Variants in TRHDE observed in about 807,000 individuals in gnomAD.
TRHDE encodes thyrotropin releasing hormone degrading enzyme, also known as thyrotropin-releasing hormone-degrading ectoenzyme.
In TRHDE, 72 loss-of-function variants were observed where a neutral mutation model predicts 125.7. That is an observed-to-expected ratio of 0.57 (90% CI 0.47 to 0.70). TRHDE has a LOEUF of 0.70. TRHDE is among the 30% of genes least tolerant of loss of function. The pLI, the probability that TRHDE is intolerant of heterozygous loss-of-function variation, is 0.00. For missense variants in TRHDE, 1,110 were observed against 1,327.1 expected, an observed-to-expected ratio of 0.84 and a Z score of 2.54; for synonymous variants, 509 against 509.1, an observed-to-expected ratio of 1.00 and a Z score of 0.00.
At chr12:72,527,643 G>C (rs1199282883) in intron 6 of TRHDE, among the ~76,000 whole-genome samples, 1 of 150,662 alleles carries the variant, frequency 6.6e-6, no homozygotes, top group African/African-American at 2.4e-5. Context: ...ACGAAGAAGA[G>C]ACAGATTCAA....
intron 2 of TRHDE, among the ~76,000 whole-genome samples, chr12:72,172,690 C>T (rs1876899177): frequency 6.6e-6 from 1 of 152,112 alleles, no homozygotes; most frequent in South Asian, 2.1e-4. Context: ...AAGATAATAC[C>T]ATGGCCACTC....
At chr12:72,602,245 C>T (rs986815889) in intron 12 of TRHDE, among the ~76,000 whole-genome samples, 1 of 152,000 alleles carries the variant, frequency 6.6e-6, no homozygotes, top group African/African-American at 2.4e-5. Flanking sequence ...TTGAAAACTC[C>T]ATTTGTATGT....
chr12:72,133,402 G>A (rs1048680893), intron 2 of TRHDE, among the ~76,000 whole-genome samples: 1 of 152,166 alleles, frequency 6.6e-6, no homozygotes, highest in African/African-American at 2.4e-5. Flanking sequence ...AGATTGCTGT[G>A]TCGGGTAGAA....
At chr12:72,226,125 C>G (rs762655643) in intron 2 of TRHDE, among the ~76,000 whole-genome samples, 36 of 152,198 alleles carry the variant, frequency 2.4e-4, no homozygotes, top group Non-Finnish European at 4.4e-4. Flanking sequence ...CAAGTGAGAC[C>G]AGGATCTCTC....
chr12:72,340,195 A>G (rs950132458), intron 2 of TRHDE, among the ~76,000 whole-genome samples: 2 of 152,162 alleles, frequency 1.3e-5, no homozygotes, highest in African/African-American at 4.8e-5. Flanking sequence ...TAGAGAAGTC[A>G]TGATTGATGA....
intron 2 of TRHDE, among the ~76,000 whole-genome samples, chr12:72,327,622 G>A (rs1869400188): frequency 6.6e-6 from 1 of 152,142 alleles, no homozygotes; most frequent in Non-Finnish European, 1.5e-5. Flanking sequence ...AAGAGAAGTT[G>A]TGTATCATTT....
chr12:72,103,558 G>T (rs537743354), intron 1 of TRHDE, among the ~76,000 whole-genome samples: 17 of 152,146 alleles, frequency 1.1e-4, no homozygotes, highest in African/African-American at 3.9e-4. Context: ...CTCTGTGGTT[G>T]CTCTTAGAGT....
intron 2 of TRHDE, among the ~76,000 whole-genome samples, chr12:72,296,330 C>T (rs1412249505): frequency 2.0e-5 from 3 of 152,172 alleles, no homozygotes; most frequent in Non-Finnish European, 4.4e-5. Flanking sequence ...CTTTTAAGGA[C>T]ATCCGCAGGA....
chr12:72,458,552 A>T (rs1452085820), intron 3 of TRHDE, among the ~76,000 whole-genome samples: 1 of 151,984 alleles, frequency 6.6e-6, no homozygotes, highest in Non-Finnish European at 1.5e-5. Flanking sequence ...ATGACTTCTT[A>T]AATCTTTTCC....
chr12:72,440,578 C>T (rs1874959340), intron 3 of TRHDE, among the ~76,000 whole-genome samples: 1 of 151,808 alleles, frequency 6.6e-6, no homozygotes, highest in African/African-American at 2.4e-5. Flanking sequence ...CATATATTGA[C>T]TTATTTAATC....
intron 3 of TRHDE, among the ~76,000 whole-genome samples, chr12:72,439,274 G>C (rs1874887805): frequency 6.6e-6 from 1 of 151,696 alleles, no homozygotes; most frequent in Non-Finnish European, 1.5e-5. Context: ...GTTTGCTTTG[G>C]CTATTCAGGG....
intron 15 of TRHDE, among the ~76,000 whole-genome samples, chr12:72,632,592 A>G (rs1302741792): frequency 1.3e-5 from 2 of 151,750 alleles, no homozygotes. Flanking sequence ...GTCATCATAG[A>G]TATCTTAATT....
chr12:72,238,326 ATATATATACACATTAT>A lies in TRHDE; in HGVS notation n.279+132575_279+132590del, dbSNP rs1433967156. Among the ~76,000 whole-genome samples, 38 of 41,264 alleles carry A rather than the reference ATATATATACACATTAT, an allele frequency of 9.2e-4. 5 individuals carry two copies. Among genetic ancestry groups the A allele is most frequent in the African/African-American group, 3.3e-3 (37 of 11,242 alleles). The allele number at this position is 41,264 out of a possible 152,430, so 27.1% of individuals were successfully genotyped here. Reference sequence around the variant, plus strand: ...TATATATATATATATATATATACATATATATATACACATTATATATATATATATATATATATACACA... The same window carrying A: ...TATATATATATATATATATATACATAATATATATATATATATATATACACA... On this transcript the variant is annotated intron_variant and non_coding_transcript_variant, in intron 2 of 4. Transcript: ENST00000548156.
At chr12:72,620,136 A>G (rs867075349) in intron 13 of TRHDE, among the ~76,000 whole-genome samples, 2 of 152,108 alleles carry the variant, frequency 1.3e-5, no homozygotes, top group Non-Finnish European at 2.9e-5. Context: ...ACACTGCAAT[A>G]TTAAACCTTT....
intron 3 of TRHDE, among the ~76,000 whole-genome samples, chr12:72,398,052 C>T (rs1458850896): frequency 7.7e-6 from 1 of 130,466 alleles, no homozygotes; most frequent in Non-Finnish European, 1.7e-5. Context: ...TCTCATTGTT[C>T]AATTCCCACC....
intron 2 of TRHDE, among the ~76,000 whole-genome samples, chr12:72,233,728 C>T (rs1203180589): frequency 5.3e-5 from 8 of 152,034 alleles, no homozygotes; most frequent in South Asian, 2.1e-4. Context: ...CAACAGTACA[C>T]GAACATGTGC....
At chr12:72,144,780 A>G (rs1434688495) in intron 2 of TRHDE, among the ~76,000 whole-genome samples, 1 of 152,212 alleles carries the variant, frequency 6.6e-6, no homozygotes, top group Non-Finnish European at 1.5e-5. Flanking sequence ...TTCTCTCAGA[A>G]TAACAATGCT....
intron 3 of TRHDE, among the ~76,000 whole-genome samples, chr12:72,465,757 T>C (rs962243890): frequency 6.6e-6 from 1 of 152,200 alleles, no homozygotes; most frequent in Non-Finnish European, 1.5e-5. Context: ...CCTTAAGTTG[T>C]GAAGACATAG....
chr12:72,417,004 A>G (rs922682478), intron 3 of TRHDE, among the ~76,000 whole-genome samples: 3 of 152,070 alleles, frequency 2.0e-5, no homozygotes, highest in African/African-American at 7.2e-5. Flanking sequence ...TGAACATGGA[A>G]TATCTGCCCC....
Sources: gnomAD v4.1 joint callset for allele counts (sites outside exome capture counted in the v4.1 genomes callset) on GRCh38, gnomAD v4.1.1 for gene constraint, MANE v1.5 for transcripts, NCBI Gene and HGNC (gene_info 2026-07-23, HGNC 2026-07-21) for gene names.